GALNT16: variants seen among roughly 807,000 people sequenced by gnomAD.
GALNT16 encodes the protein polypeptide N-acetylgalactosaminyltransferase 16.
In GALNT16, 40 loss-of-function variants were observed where a neutral mutation model predicts 76.1. The ratio of observed to expected loss-of-function variants is 0.53; its 90% CI spans 0.41 to 0.68. GALNT16 has a LOEUF of 0.68. Ranked by LOEUF, GALNT16 falls within the 30% of genes least tolerant of loss-of-function variation. The pLI is 0.00. For synonymous variants in GALNT16, 276 were observed against 285.2 expected, an observed-to-expected ratio of 0.97 and a Z score of 0.32; for missense variants, 621 against 731.9, an observed-to-expected ratio of 0.85 and a Z score of 1.75.
chr14:69,330,936 G>A (rs905691989), intron 6 of GALNT16, among the ~76,000 whole-genome samples: 5 of 152,120 alleles, frequency 3.3e-5, no homozygotes, highest in African/African-American at 1.2e-4. Flanking sequence ...GGTATGAGAG[G>A]GATAGCACCC....
chr14:69,282,162 G>A (rs981752349), intron 1 of GALNT16, among the ~76,000 whole-genome samples: 7 of 152,170 alleles, frequency 4.6e-5, no homozygotes, highest in Non-Finnish European at 1.5e-5. Context: ...TGTAACCTGG[G>A]ACCACCCGCA....
chr14:69,350,444 A>C (rs959163558), intron 14 of GALNT16: 2 of 152,184 alleles, frequency 1.3e-5, no homozygotes, highest in Non-Finnish European at 2.9e-5. Flanking sequence ...GCATTGCTGG[A>C]GGTTTGGCCT....
intron 2 of GALNT16, among the ~76,000 whole-genome samples, chr14:69,321,588 A>G (rs2045185388): frequency 6.6e-6 from 1 of 151,344 alleles, no homozygotes; most frequent in Non-Finnish European, 1.5e-5. Context: ...GGCCTTACCC[A>G]CCTTTCCCCC....
At chr14:69,338,000 G>A (rs1047114167) in intron 9 of GALNT16, among the ~76,000 whole-genome samples, 1 of 152,266 alleles carries the variant, frequency 6.6e-6, no homozygotes, top group African/African-American at 2.4e-5. Context: ...GGTGAGCGGA[G>A]ATCAGAGTGG....
intron 1 of GALNT16, among the ~76,000 whole-genome samples, chr14:69,296,764 A>T (rs952789960): frequency 2.3e-5 from 3 of 133,010 alleles, no homozygotes; most frequent in African/African-American, 9.2e-5. Context: ...ATAGATAGAT[A>T]GATAGACAGA....
intron 1 of GALNT16, among the ~76,000 whole-genome samples, chr14:69,291,414 C>T (rs1048163660): frequency 6.6e-5 from 10 of 152,194 alleles, no homozygotes; most frequent in South Asian, 2.1e-4. Context: ...TCTGACTTTC[C>T]GAGTCTCTAG....
At chr14:69,371,489 C>T in the GALNT16 span, among the ~76,000 whole-genome samples, 1 of 151,612 alleles carries the variant, frequency 6.6e-6, no homozygotes, top group African/African-American at 2.4e-5. Context: ...GTCTCCTGAC[C>T]TCGTGATCCA....
chr14:69,349,394 AGGTATCTCCT>A (rs1300755058), intron 14 of GALNT16: 3 of 152,118 alleles, frequency 2.0e-5, no homozygotes, highest in African/African-American at 7.2e-5. Context: ...CGGGGTGTGT[AGGTATCTCCT>A]TGGCCCCATT....
At chr14:69,345,736 G>GTGTGTGTGTGTGTGTGTA in intron 12 of GALNT16, among the ~76,000 whole-genome samples, 1 of 151,584 alleles carries the variant, frequency 6.6e-6, no homozygotes, top group African/African-American at 2.4e-5. Flanking sequence ...GTGTGTGTGT[G>GTGTGTGTGTGTGTGTGTA]TCTGTATGTG....
chr14:69,379,030 C>T, the GALNT16 span, among the ~76,000 whole-genome samples: 1 of 152,234 alleles, frequency 6.6e-6, no homozygotes, highest in Non-Finnish European at 1.5e-5. Flanking sequence ...CTCTGTCTCC[C>T]TGGTTCAAGG....
intron 12 of GALNT16, among the ~76,000 whole-genome samples, 192 bp downstream of exon 12, chr14:69,341,956 G>A (rs1035716510): frequency 2.6e-5 from 4 of 152,180 alleles, no homozygotes; most frequent in Non-Finnish European, 4.4e-5. Flanking sequence ...ATTAGGTGTG[G>A]TGGGAACCGA....
At chr14:69,382,140 G>T in the GALNT16 span, among the ~76,000 whole-genome samples, 1 of 152,146 alleles carries the variant, frequency 6.6e-6, no homozygotes, top group African/African-American at 2.4e-5. Flanking sequence ...ACAATTTTTG[G>T]CAAGGGAAAT....
chr14:69,344,285 G>C (rs551152901), intron 12 of GALNT16, among the ~76,000 whole-genome samples: 1 of 152,402 alleles, frequency 6.6e-6, no homozygotes, highest in South Asian at 2.1e-4. Context: ...TGTTCAGGCT[G>C]TGCGTTGCAC....
intron 1 of GALNT16, among the ~76,000 whole-genome samples, chr14:69,308,390 C>A (rs1268334055): frequency 6.6e-6 from 1 of 151,338 alleles, no homozygotes; most frequent in Non-Finnish European, 1.5e-5. Context: ...CCCTGTAGAG[C>A]GGTTTCCTGT....
Position 69,338,681 on chromosome 14 carries a change from G to A in GALNT16, c.998G>A (p.Gly333Asp). 1 of 1,613,628 alleles carries A rather than the reference G, an allele frequency of 6.2e-7. No homozygotes were observed. Among genetic ancestry groups the A allele is most frequent in the Non-Finnish European group, 8.5e-7 (1 of 1,179,818 alleles). ...ELSFRVWMCGGSLEIVPCSRV... is the reference protein window; with the variant it reads ...ELSFRVWMCGDSLEIVPCSRV... ...TCCTTCAGGGTGTGGATGTGTGGTG[G>A]CAGTCTGGAGATCGTCCCCTGCAGC... The change falls in exon 10 of 15, where the codon GGC becomes GAC. Residue 333 changes from glycine (G) to aspartate (D), a missense_variant. Physicochemically the swap from Gly to Asp is moderately conservative, Grantham distance 94. Transcript: ENST00000448469.
At chr14:69,267,459 GT>G (rs1467775855) in intron 1 of GALNT16, among the ~76,000 whole-genome samples, 40 of 152,312 alleles carry the variant, frequency 2.6e-4, no homozygotes, top group African/African-American at 9.4e-4. Context: ...ACAACTTCAC[GT>G]TTCGCTGAAG....
At chr14:69,372,400 CAGG>C in the GALNT16 span, among the ~76,000 whole-genome samples, 1 of 151,586 alleles carries the variant, frequency 6.6e-6, no homozygotes, top group Admixed American at 6.6e-5. Flanking sequence ...TGGTCTGTTG[CAGG>C]AATGCTGGGT....
rs376215629 is a variant in GALNT16 at position 69,315,231 on chromosome 14, G to A, written c.178-5480G>A. Among the ~76,000 whole-genome samples the A allele has an allele frequency of 1.1e-4, 17 of 152,312 alleles. No individual in the cohort carries two copies. In the East Asian group the frequency reaches 1.4e-3, roughly 12 times the overall value. On this transcript the variant is annotated intron_variant, in intron 1 of 14. Coordinates refer to ENST00000448469, the MANE Select transcript of GALNT16 (RefSeq NM_001168368.2). ...GAAATGATAGACTGAAAATAAAGCT[G>A]TCCAAGGTGAGACAGTAATTCTTCC...
At chr14:69,385,479 T>C in the GALNT16 span, among the ~76,000 whole-genome samples, 2 of 152,048 alleles carry the variant, frequency 1.3e-5, no homozygotes, top group Non-Finnish European at 2.9e-5. Flanking sequence ...TTTTTTATGA[T>C]TGAACTGTCC....
Sources: gnomAD v4.1 joint callset for allele counts (sites outside exome capture counted in the v4.1 genomes callset) on GRCh38, gnomAD v4.1.1 for gene constraint, MANE v1.5 for transcripts, NCBI Gene and HGNC (gene_info 2026-07-23, HGNC 2026-07-21) for gene names.